Variants in CDK14 observed in about 807,000 individuals in gnomAD.
The protein encoded by CDK14 is cyclin-dependent kinase 14.
In CDK14, 34 loss-of-function variants were observed where a neutral mutation model predicts 60.7. The observed-to-expected ratio is 0.56, with a 90% CI of 0.43 to 0.75. The LOEUF (loss-of-function observed/expected upper bound fraction) is 0.75. CDK14 is among the 30% of genes least tolerant of loss of function. The probability of loss-of-function intolerance (pLI) is 0.00; values close to 1 mark genes in which losing one functional copy is unlikely to be tolerated. For missense variants in CDK14, 482 were observed against 564.1 expected (o/e 0.85, Z 1.47); for synonymous variants, 197 against 203.7 (o/e 0.97, Z 0.28).
At chr7:90,808,034 A>G (rs1052645598) in intron 5 of CDK14, among the ~76,000 whole-genome samples, 1 of 152,232 alleles carries the variant, frequency 6.6e-6, no homozygotes, top group African/African-American at 2.4e-5. Context: ...AAGTTGGAAA[A>G]CACTCAGCAA....
chr7:90,832,834 A>C (rs565176446), intron 5 of CDK14, among the ~76,000 whole-genome samples: 2 of 152,328 alleles, frequency 1.3e-5, no homozygotes, highest in South Asian at 4.1e-4. Flanking sequence ...GTTCTTATAG[A>C]GGAAGTCACT....
At chr7:90,962,431 A>T (rs1263599959) in intron 9 of CDK14, among the ~76,000 whole-genome samples, 1 of 152,088 alleles carries the variant, frequency 6.6e-6, no homozygotes, top group Non-Finnish European at 1.5e-5. Context: ...GGTTACAGTG[A>T]GTTGAGATCG....
intron 8 of CDK14, among the ~76,000 whole-genome samples, chr7:90,930,683 G>T (rs1281046438): frequency 6.6e-6 from 1 of 152,032 alleles, no homozygotes; most frequent in East Asian, 1.9e-4. Flanking sequence ...ACATTAGATT[G>T]CTTTTAGGAA....
intron 8 of CDK14, among the ~76,000 whole-genome samples, chr7:90,921,044 C>T (rs908360468): frequency 2.0e-4 from 30 of 152,238 alleles, no homozygotes; most frequent in Middle Eastern, 6.8e-3. Context: ...ATCACTGTGG[C>T]TTTCCTAATG....
chr7:90,848,064 G>A (rs1466735692), intron 5 of CDK14, among the ~76,000 whole-genome samples: 3 of 151,986 alleles, frequency 2.0e-5, no homozygotes, highest in Non-Finnish European at 4.4e-5. Flanking sequence ...TGTTTTGTGT[G>A]TATGTTGGGG....
At chr7:90,675,306 A>G (rs920760193) in intron 2 of CDK14, among the ~76,000 whole-genome samples, 1 of 152,056 alleles carries the variant, frequency 6.6e-6, no homozygotes. Flanking sequence ...ACACTTTCTT[A>G]TAACTGGTAT....
chr7:91,206,681 G>A (rs911118844), intron 14 of CDK14, among the ~76,000 whole-genome samples: 2 of 152,152 alleles, frequency 1.3e-5, no homozygotes, highest in Non-Finnish European at 2.9e-5. Context: ...CATTCTGCTG[G>A]AACTGAAATA....
At chr7:90,906,478 G>A (rs1792708449) in intron 7 of CDK14, among the ~76,000 whole-genome samples, 1 of 152,056 alleles carries the variant, frequency 6.6e-6, no homozygotes, top group Non-Finnish European at 1.5e-5. Context: ...TTATTATGGT[G>A]AACAATAGGA....
chr7:91,067,556 T>A (rs1798015617), intron 11 of CDK14, among the ~76,000 whole-genome samples: 1 of 152,222 alleles, frequency 6.6e-6, no homozygotes, highest in Non-Finnish European at 1.5e-5. Context: ...TATATTTAGT[T>A]TTCAATGCCA....
intron 9 of CDK14, among the ~76,000 whole-genome samples, chr7:90,978,288 C>G (rs802391): frequency 0.48 from 73,296 of 151,864 alleles, 18,256 homozygotes; most frequent in East Asian, 0.71. Context: ...TTCACTGCCT[C>G]GAGCCTCTAC....
intron 3 of CDK14, among the ~76,000 whole-genome samples, chr7:90,744,547 T>C (rs1803496948): frequency 6.6e-6 from 1 of 152,206 alleles, no homozygotes; most frequent in Admixed American, 6.5e-5. Context: ...GACAGGGTCA[T>C]GGCCGGGCAG....
intron 12 of CDK14, among the ~76,000 whole-genome samples, chr7:91,084,226 CT>C (rs1175953816): frequency 6.6e-6 from 1 of 152,190 alleles, no homozygotes; most frequent in Non-Finnish European, 1.5e-5. Flanking sequence ...TTATCAATAT[CT>C]AATTTTATTT....
intron 14 of CDK14, among the ~76,000 whole-genome samples, chr7:91,204,780 C>T (rs368467905): frequency 6.6e-6 from 1 of 152,076 alleles, no homozygotes. Flanking sequence ...GAACCCCTGT[C>T]TCTACAAATA....
At chr7:90,669,776 T>C (rs1801061423) in intron 2 of CDK14, among the ~76,000 whole-genome samples, 1 of 152,144 alleles carries the variant, frequency 6.6e-6, no homozygotes, top group South Asian at 2.1e-4. Flanking sequence ...GAACACAAGA[T>C]ATAAGAAGAT....
In CDK14 at chr7:90,840,465, TTAAC is replaced by T. The variant is rs529391489; in HGVS notation, c.545-22707_545-22704del. Among the ~76,000 whole-genome samples, 194 of 152,336 alleles carry T rather than the reference TTAAC, an allele frequency of 1.3e-3. 1 individual carries two copies. Among genetic ancestry groups the T allele is most frequent in the African/African-American group, 4.4e-3 (183 of 41,590 alleles). ...ACCAGAACAGGACATTCTTCTCTAA[TTAAC>T]TATAAGTTCCCATTTGATGTATTAA... is the stretch of plus-strand genomic sequence containing the variant. On this transcript the variant is annotated intron_variant, in intron 5 of 14. Coordinates refer to ENST00000380050, the MANE Select transcript of CDK14 (RefSeq NM_001287135.2).
chr7:91,053,077 C>T lies in CDK14; in HGVS notation c.1105+7117C>T, dbSNP rs58392208. ...GGGACCCCAAAACCAAACAGGTCCA[C>T]ACTTTTTTGTTCCAGAGGGAGGAAG... On this transcript the variant is annotated intron_variant, in intron 11 of 14. Transcript: ENST00000380050. 6.2e-3 allele frequency among the ~76,000 whole-genome samples: 940 copies of T among 152,232 alleles called. 42 individuals are homozygous for T. In the East Asian group the frequency reaches 0.12, roughly 20 times the overall value.
intron 8 of CDK14, among the ~76,000 whole-genome samples, chr7:90,946,053 A>C (rs996260104): frequency 1.3e-5 from 2 of 152,198 alleles, no homozygotes; most frequent in Non-Finnish European, 2.9e-5. Context: ...AAAGAAGGGA[A>C]TGGATTAGAA....
At chr7:90,730,808 G>T (rs1408709946) in intron 3 of CDK14, among the ~76,000 whole-genome samples, 1 of 152,168 alleles carries the variant, frequency 6.6e-6, no homozygotes, top group Non-Finnish European at 1.5e-5. Context: ...GAGTTTGCCT[G>T]TTCACTCTGA....
intron 14 of CDK14, among the ~76,000 whole-genome samples, chr7:91,156,568 G>A (rs79563446): frequency 0.023 from 3,573 of 152,154 alleles, 129 homozygotes; most frequent in African/African-American, 0.081. Flanking sequence ...AAAATCAGCC[G>A]CAGAGCAGAA....
Sources: allele counts gnomAD v4.1 joint callset (sites outside exome capture counted in the v4.1 genomes callset), GRCh38; gene constraint gnomAD v4.1.1; transcripts MANE v1.5; gene names NCBI Gene and HGNC (gene_info 2026-07-23, HGNC 2026-07-21).